TBC1D30: variants seen among roughly 807,000 people sequenced by gnomAD.
TBC1D30 encodes the protein TBC1 domain family member 30.
TBC1D30 carries 31 observed loss-of-function variants against 63.2 expected under a neutral mutation model. That is an observed-to-expected ratio of 0.49 (90% confidence interval 0.37 to 0.66). TBC1D30 has a LOEUF of 0.66. Among genes scored for constraint, TBC1D30 ranks in the 30% least tolerant of loss-of-function variants. TBC1D30 has a pLI of 0.00. For synonymous variants in TBC1D30, 307 were observed against 361.5 expected (o/e 0.85, Z 1.71); for missense variants, 810 against 953.6 (o/e 0.85, Z 1.98).
chr12:64,875,822 T>C lies in TBC1D30; in HGVS notation c.*34T>C. On this transcript the variant is annotated 3_prime_UTR_variant, in exon 12 of 12. Coordinates refer to ENST00000539867, the MANE Select transcript of TBC1D30 (RefSeq NM_015279.2). Reference sequence around the variant, plus strand: ...CGAAACTTTGTATCTGGACTCACCTTTTCACAGTAGTATAAGGGTTGCAGC... The same window carrying C: ...CGAAACTTTGTATCTGGACTCACCTCTTCACAGTAGTATAAGGGTTGCAGC... 7.4e-6 allele frequency: 11 copies of C among 1,496,432 alleles called. No individual in the cohort carries two copies. The highest frequency in any genetic ancestry group is 9.7e-6 in the Non-Finnish European group (11 of 1,129,178). The allele number at this position is 1,496,432 out of a possible 1,614,324, so 92.7% of individuals were successfully genotyped here. A position where few individuals can be genotyped will look rare whatever the true frequency, so the allele number is the denominator to read the frequency against.
chr12:64,770,081 TTTAA>T (rs1423206179), intron 1 of TBC1D30, among the ~76,000 whole-genome samples: 3 of 152,194 alleles, frequency 2.0e-5, no homozygotes, highest in Non-Finnish European at 2.9e-5. Context: ...AAAAAGTAAT[TTTAA>T]TTAATACTAG....
chr12:64,781,705 G>A (rs73121453), intron 1 of TBC1D30, among the ~76,000 whole-genome samples: 1 of 128,240 alleles, frequency 7.8e-6, no homozygotes, highest in Non-Finnish European at 1.7e-5. Context: ...TTTTTTTTTT[G>A]TTTTTTTGTT....
At position 64,878,525 on chromosome 12, in the gene TBC1D30, C is replaced by A. The variant is rs1261565518; in HGVS notation, c.*2737C>A. On this transcript the variant is annotated 3_prime_UTR_variant, in exon 12 of 12. Transcript: ENST00000539867. ...TCTAAATCTAGTTAGCAATGTCAGC[C>A]TGTGGACTGCAGCTGTTTGGGACAT... 1.8e-5 allele frequency: 8 copies of A among 456,740 alleles called. No homozygotes were observed. The highest frequency in any genetic ancestry group is 1.2e-4 in the South Asian group (8 of 64,570). 28.3% of individuals were successfully genotyped at this position (456,740 alleles called of 1,614,324 possible).
At chr12:64,840,872 A>T (rs1875811033) in intron 7 of TBC1D30, among the ~76,000 whole-genome samples, 1 of 152,220 alleles carries the variant, frequency 6.6e-6, no homozygotes, top group Non-Finnish European at 1.5e-5. Flanking sequence ...TGTTTTGAGC[A>T]TGCAGCTTGT....
chr12:64,813,605 C>T (rs1384135373), intron 2 of TBC1D30, among the ~76,000 whole-genome samples: 1 of 152,100 alleles, frequency 6.6e-6, no homozygotes, highest in African/African-American at 2.4e-5. Flanking sequence ...AGCATTTTCA[C>T]CTGATGAGTA....
chr12:64,798,463 AT>A (rs1872407455), intron 2 of TBC1D30, among the ~76,000 whole-genome samples: 1 of 152,194 alleles, frequency 6.6e-6, no homozygotes, highest in Non-Finnish European at 1.5e-5. Flanking sequence ...AGAATTATGT[AT>A]TTTTATGAAA....
At chr12:64,825,286 C>T (rs1339864327) in intron 1 of TBC1D30, 2 of 446,296 alleles carry the variant, frequency 4.5e-6, no homozygotes, top group African/African-American at 2.1e-5. Context: ...CCCGCGGACC[C>T]CCACCCTGCG....
At chr12:64,867,566 C>G (rs1226889678) in intron 10 of TBC1D30, among the ~76,000 whole-genome samples, 2 of 151,842 alleles carry the variant, frequency 1.3e-5, no homozygotes, top group Non-Finnish European at 2.9e-5. Context: ...GTACACATTT[C>G]TTTTTCTCTG....
chr12:64,766,913 A>T (rs1364680019), intron 1 of TBC1D30, among the ~76,000 whole-genome samples: 2 of 152,206 alleles, frequency 1.3e-5, no homozygotes, highest in South Asian at 4.1e-4. Context: ...GCTCACAAAT[A>T]TTTGGAAATG....
chr12:64,831,568 T>G (rs1315461529), intron 4 of TBC1D30, among the ~76,000 whole-genome samples: 1 of 152,214 alleles, frequency 6.6e-6, no homozygotes, highest in Non-Finnish European at 1.5e-5. Flanking sequence ...GATATTGCCT[T>G]CATTAAAGCA....
At chr12:64,824,577 G>A (rs1874118509), upstream of TBC1D30, 1 of 305,528 alleles carries the variant, frequency 3.3e-6, no homozygotes, top group Non-Finnish European at 6.0e-6. Flanking sequence ...CGGGCACGCC[G>A]CCTCCGTCTC....
intron 2 of TBC1D30, 130 bp downstream of exon 2, chr12:64,828,026 T>G (rs546002293): frequency 1.4e-6 from 1 of 709,122 alleles, no homozygotes; most frequent in East Asian, 2.8e-5. Context: ...AATATTTCAG[T>G]TAAAGTAGCT....
At chr12:64,827,482 A>G (rs528434092) in intron 1 of TBC1D30, among the ~76,000 whole-genome samples, 63 of 152,304 alleles carry the variant, frequency 4.1e-4, no homozygotes, top group African/African-American at 1.3e-3. Flanking sequence ...AAAGGAATTG[A>G]GACTGAGATA....
chr12:64,763,437 CATG>C (rs1489380402), intron 1 of TBC1D30, among the ~76,000 whole-genome samples: 2 of 152,128 alleles, frequency 1.3e-5, no homozygotes, highest in Admixed American at 6.6e-5. Flanking sequence ...AGGTGTACAA[CATG>C]ATGTTTTCAT....
intron 8 of TBC1D30, among the ~76,000 whole-genome samples, chr12:64,859,169 G>A (rs1214186351): frequency 6.6e-6 from 1 of 151,958 alleles, no homozygotes; most frequent in African/African-American, 2.4e-5. Context: ...GTGCAGAGTG[G>A]AGAGTCAATT....
intron 4 of TBC1D30, among the ~76,000 whole-genome samples, chr12:64,831,259 C>G (rs2136371292): frequency 6.6e-6 from 1 of 152,174 alleles, no homozygotes; most frequent in Non-Finnish European, 1.5e-5. Flanking sequence ...ACTTTCTGTT[C>G]TAACTTGGTT....
chr12:64,761,203 A>G (rs1208643809), intron 1 of TBC1D30, among the ~76,000 whole-genome samples: 1 of 152,228 alleles, frequency 6.6e-6, no homozygotes, highest in Non-Finnish European at 1.5e-5. Context: ...TTTCTTGCAC[A>G]AAAAAATAAC....
chr12:64,785,755 C>A, intron 1 of TBC1D30: 1 of 678,274 alleles, frequency 1.5e-6, no homozygotes, highest in South Asian at 1.8e-5. Context: ...TACATGTAAT[C>A]TTGAGTGAAA....
At chr12:64,761,417 G>A (rs1460012232) in intron 1 of TBC1D30, among the ~76,000 whole-genome samples, 1 of 152,168 alleles carries the variant, frequency 6.6e-6, no homozygotes, top group Admixed American at 6.5e-5. Flanking sequence ...CTGCTATGCT[G>A]CATTCCCAGA....
Sources: allele counts gnomAD v4.1 joint callset (sites outside exome capture counted in the v4.1 genomes callset), GRCh38; gene constraint gnomAD v4.1.1; transcripts MANE v1.5; gene names NCBI Gene and HGNC (gene_info 2026-07-23, HGNC 2026-07-21).